Variants in CD1B observed in about 807,000 individuals in gnomAD.
The protein encoded by CD1B is T-cell surface glycoprotein CD1b.
CD1B carries 43 observed loss-of-function variants against 39.8 expected under a neutral mutation model. The ratio of observed to expected loss-of-function variants is 1.08; its 90% CI spans 0.85 to 1.39. The LOEUF is 1.39. Among genes scored for constraint, CD1B ranks in the 40% most tolerant of loss-of-function variants. The pLI, the probability that CD1B is intolerant of heterozygous loss-of-function variation, is 0.00. For synonymous variants in CD1B, 192 were observed against 152.5 expected (o/e 1.26, Z -1.91); for missense variants, 495 against 403.8 (o/e 1.23, Z -1.94).
chr1:158,288,856 A>G, the CD1B span, among the ~76,000 whole-genome samples: 1 of 152,232 alleles, frequency 6.6e-6, no homozygotes, highest in East Asian at 1.9e-4. Context: ...AAGTCACTGA[A>G]TACTTCATAT....
chr1:158,293,495 C>T, the CD1B span: 13 of 1,614,118 alleles, frequency 8.1e-6, no homozygotes, highest in Admixed American at 1.7e-5. Context: ...CCCCTGACTC[C>T]CCCATTGTGT....
chr1:158,316,664 A>C, the CD1B span, among the ~76,000 whole-genome samples: 1 of 150,568 alleles, frequency 6.6e-6, no homozygotes, highest in Non-Finnish European at 1.5e-5. Flanking sequence ...TCTCCTGCCT[A>C]ATTGCCCTGG....
chr1:158,292,468 G>A, the CD1B span: 6 of 1,484,622 alleles, frequency 4.0e-6, no homozygotes, highest in Admixed American at 2.0e-5. Flanking sequence ...AAGAAGCAGG[G>A]GGGTTGCTGG....
chr1:158,287,882 C>G, the CD1B span, among the ~76,000 whole-genome samples: 1 of 152,152 alleles, frequency 6.6e-6, no homozygotes, highest in South Asian at 2.1e-4. Context: ...AGAAATTTGA[C>G]TGCCAAGTTG....
chr1:158,307,849 C>A, the CD1B span, among the ~76,000 whole-genome samples: 1 of 152,122 alleles, frequency 6.6e-6, no homozygotes, highest in South Asian at 2.1e-4. Flanking sequence ...ATAATAAGAG[C>A]TATTTATGAC....
chr1:158,300,736 G>A, the CD1B span, among the ~76,000 whole-genome samples: 1 of 150,908 alleles, frequency 6.6e-6, no homozygotes, highest in Non-Finnish European at 1.5e-5. Flanking sequence ...ATTATGTAAT[G>A]GCCTTCTTTG....
the CD1B span, chr1:158,292,772 T>G: frequency 6.2e-7 from 1 of 1,614,180 alleles, no homozygotes; most frequent in Non-Finnish European, 8.5e-7. Context: ...TGGGACATGG[T>G]ATCTTCAGGT....
At position 158,331,078 on chromosome 1, in the gene CD1B, A is replaced by T; in HGVS notation, c.62-16T>A. 6.3e-7 allele frequency: 1 copy of T among 1,590,200 alleles called. No homozygotes were observed. The highest frequency in any genetic ancestry group is 2.2e-5 in the East Asian group (1 of 44,714). On this transcript the variant is annotated splice_polypyrimidine_tract_variant and intron_variant, in intron 1 of 5. Transcript: ENST00000368168. ...CCCTGGAAGGCTGTGAAGAGTGGAA[A>T]AGCAAGATGGTGAAGATAAAGAGAG...
At chr1:158,316,197 G>A in the CD1B span, among the ~76,000 whole-genome samples, 1 of 152,022 alleles carries the variant, frequency 6.6e-6, no homozygotes, top group Non-Finnish European at 1.5e-5. Flanking sequence ...TGTGAAGAAA[G>A]GCATTGGTAG....
the CD1B span, among the ~76,000 whole-genome samples, chr1:158,321,288 G>C: frequency 2.0e-5 from 3 of 151,484 alleles, no homozygotes; most frequent in African/African-American, 7.3e-5. Flanking sequence ...CAGTTTTTTT[G>C]GCTTAAAGTC....
chr1:158,292,982 G>A, the CD1B span: 1 of 1,101,894 alleles, frequency 9.1e-7, no homozygotes, highest in African/African-American at 1.6e-5. Flanking sequence ...AGGAAGAAAT[G>A]TATAGGGTAA....
the CD1B span, among the ~76,000 whole-genome samples, chr1:158,303,145 T>G: frequency 2.1e-4 from 32 of 152,142 alleles, no homozygotes; most frequent in Non-Finnish European, 3.5e-4. Context: ...AATCAGTAAA[T>G]GATTCATCAC....
the CD1B span, chr1:158,293,523 A>G: frequency 8.4e-5 from 136 of 1,613,972 alleles, no homozygotes; most frequent in Non-Finnish European, 1.1e-4. Flanking sequence ...CCAGCAACCC[A>G]GGAGCCTAGT....
At chr1:158,312,482 T>G in the CD1B span, among the ~76,000 whole-genome samples, 10 of 152,214 alleles carry the variant, frequency 6.6e-5, no homozygotes, top group African/African-American at 2.4e-4. Context: ...AGGACGAAAA[T>G]GAACTAGTAC....
chr1:158,297,665 T>C, the CD1B span, among the ~76,000 whole-genome samples: 1 of 152,138 alleles, frequency 6.6e-6, no homozygotes, highest in African/African-American at 2.4e-5. Context: ...AACAAGACCC[T>C]GGCTCATGCC....
the CD1B span, chr1:158,293,455 C>T: frequency 6.2e-7 from 1 of 1,613,986 alleles, no homozygotes; most frequent in Non-Finnish European, 8.5e-7. Context: ...TCCTTCACAG[C>T]TCATATCAGG....
At chr1:158,314,945 T>G in the CD1B span, among the ~76,000 whole-genome samples, 2 of 149,310 alleles carry the variant, frequency 1.3e-5, no homozygotes, top group East Asian at 4.0e-4. Context: ...CTGAGAATGA[T>G]GATTTCCAAT....
intron 1 of CD1B, 65 bp downstream of exon 1, chr1:158,331,298 C>T: frequency 2.1e-6 from 3 of 1,457,818 alleles, no homozygotes; most frequent in South Asian, 1.1e-5. Context: ...CCTAGGAAAG[C>T]CCTGCTTGCT....
the CD1B span, among the ~76,000 whole-genome samples, chr1:158,307,881 C>T: frequency 4.6e-5 from 7 of 152,146 alleles, no homozygotes; most frequent in Non-Finnish European, 1.0e-4. Context: ...CAATATCATA[C>T]TGAATGGGCA....
Sources: gnomAD v4.1 joint callset for allele counts (sites outside exome capture counted in the v4.1 genomes callset) on GRCh38, gnomAD v4.1.1 for gene constraint, MANE v1.5 for transcripts, NCBI Gene and HGNC (gene_info 2026-07-23, HGNC 2026-07-21) for gene names.